Variants in CSMD1 observed in about 807,000 individuals in gnomAD.
CSMD1 encodes CUB and Sushi multiple domains 1.
In CSMD1, 213 loss-of-function variants were observed where a neutral mutation model predicts 417.5. That is an observed-to-expected ratio of 0.51 (90% CI 0.46 to 0.57). CSMD1 has a LOEUF of 0.57. CSMD1 is among the 20% of genes least tolerant of loss of function. CSMD1 has a pLI of 0.00. For missense variants in CSMD1, 6,923 were observed against 4,529.7 expected (o/e 1.53, Z -15.17); for synonymous variants, 2,862 against 1,736.8 (o/e 1.65, Z -16.11).
chr8:4,296,225 A>T (rs1022604258), intron 3 of CSMD1, among the ~76,000 whole-genome samples: 5 of 152,062 alleles, frequency 3.3e-5, no homozygotes, highest in Non-Finnish European at 5.9e-5. Flanking sequence ...CCAGCTTAAA[A>T]CCTTGATCAG....
At chr8:3,274,180 T>C (rs1353263839) in intron 26 of CSMD1, among the ~76,000 whole-genome samples, 1 of 151,856 alleles carries the variant, frequency 6.6e-6, no homozygotes, top group Non-Finnish European at 1.5e-5. Flanking sequence ...TTCATTTCGT[T>C]ATGTACCCAG....
At chr8:4,195,676 T>C (rs1216568871) in intron 3 of CSMD1, among the ~76,000 whole-genome samples, 2 of 152,148 alleles carry the variant, frequency 1.3e-5, no homozygotes, top group South Asian at 2.1e-4. Context: ...AAGCAGAGGC[T>C]GTGTTGAAGA....
chr8:4,201,125 A>C (rs1335083569), intron 3 of CSMD1, among the ~76,000 whole-genome samples: 1 of 152,220 alleles, frequency 6.6e-6, no homozygotes, highest in Non-Finnish European at 1.5e-5. Context: ...TTTGCATATC[A>C]ATTACAGATA....
chr8:4,089,331 C>T (rs181759014), intron 3 of CSMD1, among the ~76,000 whole-genome samples: 2 of 152,198 alleles, frequency 1.3e-5, no homozygotes, highest in East Asian at 3.9e-4. Context: ...AAGAAGAGAG[C>T]TCGGTATGGG....
intron 3 of CSMD1, among the ~76,000 whole-genome samples, chr8:4,270,583 A>G (rs1211029553): frequency 6.6e-6 from 1 of 152,154 alleles, no homozygotes; most frequent in Admixed American, 6.5e-5. Flanking sequence ...TACACATTTT[A>G]TAGCCCGACT....
chr8:3,281,795 C>G (rs1402611378), intron 26 of CSMD1, among the ~76,000 whole-genome samples: 2 of 152,108 alleles, frequency 1.3e-5, no homozygotes, highest in African/African-American at 4.8e-5. Context: ...ATCTGCGTCC[C>G]CACCCATGTT....
chr8:4,383,301 G>C (rs138518201), intron 3 of CSMD1, among the ~76,000 whole-genome samples: 283 of 152,276 alleles, frequency 1.9e-3, no homozygotes, highest in African/African-American at 6.3e-3. Context: ...AAGAATGTTA[G>C]GCGGTGGGCA....
intron 3 of CSMD1, among the ~76,000 whole-genome samples, chr8:4,147,046 T>G (rs188592099): frequency 2.6e-5 from 4 of 151,858 alleles, no homozygotes; most frequent in African/African-American, 7.2e-5. Flanking sequence ...TTTCTGGGCT[T>G]TTCCTTCACC....
intron 2 of CSMD1, among the ~76,000 whole-genome samples, chr8:4,574,314 C>A (rs6558892): frequency 0.053 from 8,099 of 152,260 alleles, 670 homozygotes; most frequent in African/African-American, 0.18. Context: ...AGCATGCTAT[C>A]TGGGCTGGAT....
At chr8:4,835,421 G>A (rs1051537628) in intron 1 of CSMD1, among the ~76,000 whole-genome samples, 2 of 152,200 alleles carry the variant, frequency 1.3e-5, no homozygotes, top group South Asian at 2.1e-4. Context: ...CAAACATTAA[G>A]AGACAAGAGG....
chr8:3,145,060 C>T (rs867428162), intron 40 of CSMD1, among the ~76,000 whole-genome samples: 3 of 90,840 alleles, frequency 3.3e-5, no homozygotes, highest in African/African-American at 8.8e-5. Context: ...TGTGTGTGTG[C>T]ATGCATGCAT....
chr8:3,744,727 C>A (rs1311987138), intron 6 of CSMD1, among the ~76,000 whole-genome samples: 1 of 152,180 alleles, frequency 6.6e-6, no homozygotes, highest in Non-Finnish European at 1.5e-5. Context: ...AATGAAGAGT[C>A]AGTGACTTAC....
intron 5 of CSMD1, among the ~76,000 whole-genome samples, chr8:3,933,609 C>A (rs1203874669): frequency 6.6e-6 from 1 of 152,012 alleles, no homozygotes; most frequent in Non-Finnish European, 1.5e-5. Context: ...TTAAGATTTG[C>A]TTCTGGTAAG....
chr8:3,855,550 G>C (rs1804240199), intron 5 of CSMD1, among the ~76,000 whole-genome samples: 1 of 152,140 alleles, frequency 6.6e-6, no homozygotes, highest in Non-Finnish European at 1.5e-5. Context: ...GCATTAATGA[G>C]TTTAACAGAA....
At chr8:4,312,001 G>C (rs980492140) in intron 3 of CSMD1, among the ~76,000 whole-genome samples, 3 of 151,984 alleles carry the variant, frequency 2.0e-5, no homozygotes, top group Admixed American at 2.0e-4. Context: ...ATATAAAAAA[G>C]AAATGCATTG....
At chr8:4,169,603 G>A (rs998065094) in intron 3 of CSMD1, among the ~76,000 whole-genome samples, 1 of 152,066 alleles carries the variant, frequency 6.6e-6, no homozygotes, top group African/African-American at 2.4e-5. Flanking sequence ...AGAATCTTGT[G>A]AAATATGAGA....
At chr8:4,902,742 T>G (rs1425064044) in intron 1 of CSMD1, among the ~76,000 whole-genome samples, 1 of 152,044 alleles carries the variant, frequency 6.6e-6, no homozygotes, top group Non-Finnish European at 1.5e-5. Flanking sequence ...ATGGAAAATG[T>G]GTCTCCCTCT....
rs990221364 is a variant in CSMD1 at position 4,405,278 on chromosome 8, A to T, written c.415+14675T>A. ...AAAGAGAAGTCAAAAAAGGAAAATG[A>T]TATTATCATAGCATATTGAAATAAC... is the stretch of plus-strand genomic sequence containing the variant. On this transcript the variant is annotated intron_variant, in intron 3 of 69. Coordinates refer to ENST00000635120, the MANE Select transcript of CSMD1 (RefSeq NM_033225.6). Among the ~76,000 whole-genome samples, 4 of 152,198 alleles carry T rather than the reference A, an allele frequency of 2.6e-5. No homozygotes were observed. In the East Asian group the frequency reaches 7.7e-4, roughly 29 times the overall value.
intron 25 of CSMD1, among the ~76,000 whole-genome samples, chr8:3,285,842 T>G (rs1425854367): frequency 2.6e-5 from 4 of 151,442 alleles, no homozygotes; most frequent in East Asian, 3.9e-4. Flanking sequence ...TATATTTTAT[T>G]ATTATTATAC....
Sources: gnomAD v4.1 joint callset for allele counts (sites outside exome capture counted in the v4.1 genomes callset) on GRCh38, gnomAD v4.1.1 for gene constraint, MANE v1.5 for transcripts, NCBI Gene and HGNC (gene_info 2026-07-23, HGNC 2026-07-21) for gene names.